MYOZ3: variants seen among roughly 807,000 people sequenced by gnomAD.
The protein encoded by MYOZ3 is myozenin 3, also known as myozenin-3.
Under a neutral mutation model 26.5 loss-of-function variants are expected in MYOZ3, and 19 were observed. The ratio of observed to expected loss-of-function variants is 0.72; its 90% confidence interval spans 0.50 to 1.05. The LOEUF is 1.05. MYOZ3 is among the 50% of genes least tolerant of loss of function. The probability of loss-of-function intolerance (pLI) is 0.00; values close to 1 mark genes in which losing one functional copy is unlikely to be tolerated. For synonymous variants in MYOZ3, 135 were observed against 138.8 expected (o/e 0.97, Z 0.19); for missense variants, 322 against 337.1 (o/e 0.96, Z 0.35).
intron 6 of MYOZ3, among the ~76,000 whole-genome samples, chr5:150,676,451 G>A (rs868383062): frequency 1.2e-4 from 18 of 150,848 alleles, no homozygotes; most frequent in African/African-American, 4.2e-4. Context: ...GGCTGAGGCA[G>A]GAGAATTGAT....
chr5:150,662,887 T>C, intron 1 of MYOZ3, 54 bp from the exon 2 acceptor site: 12 of 1,508,084 alleles, frequency 8.0e-6, no homozygotes, highest in Non-Finnish European at 1.0e-5. Context: ...TGGAAGGAGG[T>C]CTGGGGAGAA....
chr5:150,669,459 T>G (rs1260144275), intron 2 of MYOZ3, among the ~76,000 whole-genome samples: 1 of 151,770 alleles, frequency 6.6e-6, no homozygotes, highest in Non-Finnish European at 1.5e-5. Flanking sequence ...ACAAAACATG[T>G]ATGCTATAAT....
intron 2 of MYOZ3, among the ~76,000 whole-genome samples, chr5:150,667,054 C>T (rs144794744): frequency 5.5e-4 from 83 of 152,198 alleles, no homozygotes; most frequent in Middle Eastern, 3.4e-3. Flanking sequence ...CCACTGCGCC[C>T]GGCCTATAAG....
At position 150,671,883 on chromosome 5, in the gene MYOZ3, C is replaced by A. The variant is rs1758921178; in HGVS notation, c.399C>A (p.Val133=). The change falls in exon 5 of 7, where the codon GTC becomes GTA. Residue 133 remains valine (V), a synonymous_variant. Transcript: ENST00000517768. ...CTGCAGCCGCCCCTGCTGGGTGCGT[C>A]CCCAGCCCCAGCGCCCTGGCGCCAG... The part of the protein sequence containing the change: ...AHPAAAPAGC[V]PSPSALAPGY... 6.4e-7 allele frequency: 1 copy of A among 1,569,200 alleles called. No individual in the cohort carries two copies. The highest frequency in any genetic ancestry group is 1.4e-5 in the African/African-American group (1 of 73,762).
rs1281312412 is a variant in MYOZ3 at position 150,671,649 on chromosome 5, C to G, written c.269C>G (p.Thr90Arg). The change falls in exon 4 of 7, where the codon ACG becomes AGG. Residue 90 changes from threonine (T) to arginine (R), a missense_variant and splice_region_variant. Coordinates refer to ENST00000517768, the MANE Select transcript of MYOZ3 (RefSeq NM_001122853.3). ...RKVTGTAESG[T>R]VANANGPEGP... is the part of the protein sequence containing the mutation. The stretch of plus-strand genomic sequence containing the variant: ...GTGACTGGAACAGCGGAGTCGGGGA[C>G]GGTGAGCGTGGAGGGGAGCTCCCTG... 1 of 1,613,532 alleles carries G rather than the reference C, an allele frequency of 6.2e-7. No homozygotes were observed. Among genetic ancestry groups the G allele is most frequent in the African/African-American group, 1.3e-5 (1 of 74,840 alleles).
intron 5 of MYOZ3, 108 bp from the exon 6 acceptor site, chr5:150,672,232 T>G (rs1269999721): frequency 2.0e-6 from 3 of 1,496,266 alleles, no homozygotes; most frequent in South Asian, 2.4e-5. Flanking sequence ...CTCCCCTAAC[T>G]CCGATCTTCC....
At chr5:150,668,176 T>C (rs1179588168) in intron 2 of MYOZ3, among the ~76,000 whole-genome samples, 1 of 152,238 alleles carries the variant, frequency 6.6e-6, no homozygotes, top group Non-Finnish European at 1.5e-5. Flanking sequence ...ATTTGGCTTA[T>C]CGCTTCCTCA....
In MYOZ3 at chr5:150,671,660, G is replaced by C. The variant is rs1283298781; in HGVS notation, c.270+10G>C. The C allele has an allele frequency of 2.5e-6, 4 of 1,613,908 alleles. No individual in the cohort carries two copies. Among genetic ancestry groups the C allele is most frequent in the Non-Finnish European group, 3.4e-6 (4 of 1,179,996 alleles). On this transcript the variant is annotated intron_variant, in intron 4 of 6. Transcript: ENST00000517768. ...AGCGGAGTCGGGGACGGTGAGCGTG[G>C]AGGGGAGCTCCCTGGAAGGGAAGCT...
intron 5 of MYOZ3, 194 bp from the exon 6 acceptor site, chr5:150,672,146 C>CA: frequency 9.7e-7 from 1 of 1,035,006 alleles, no homozygotes; most frequent in Non-Finnish European, 1.5e-6. Flanking sequence ...TTCCTCACTG[C>CA]AGTCCTCCGT....
Position 150,677,867 on chromosome 5 carries a change from C to G in MYOZ3, c.*992C>G, listed in dbSNP as rs189743047. ...TGTGAGATGGGATTCTGGAAGCTTC[C>G]TGAAGGATTTGAGTGGGACCTTGTG... is the stretch of plus-strand genomic sequence containing the variant. On this transcript the variant is annotated 3_prime_UTR_variant, in exon 7 of 7. Coordinates refer to ENST00000517768, the MANE Select transcript of MYOZ3 (RefSeq NM_001122853.3). The G allele has an allele frequency of 6.6e-6, 1 of 152,070 alleles. No individual in the cohort carries two copies. The highest frequency in any genetic ancestry group is 1.9e-4 in the East Asian group (1 of 5,176). The allele number at this position is 152,070 out of a possible 1,614,324, so 9.4% of individuals were successfully genotyped here. A position where few individuals can be genotyped will look rare whatever the true frequency, so the allele number is the denominator to read the frequency against.
At chr5:150,663,801 C>A (rs992709704) in intron 2 of MYOZ3, among the ~76,000 whole-genome samples, 1 of 151,446 alleles carries the variant, frequency 6.6e-6, no homozygotes, top group Admixed American at 6.6e-5. Flanking sequence ...TTGAGACCAG[C>A]CGGGGCAACA....
In MYOZ3 at chr5:150,676,973, C is replaced by T. The variant is rs1581538794; in HGVS notation, c.*98C>T. On this transcript the variant is annotated 3_prime_UTR_variant, in exon 7 of 7. Transcript: ENST00000517768. ...CTTCACAGTTGAAGAAGGGCCTTCA[C>T]ACACAAAACCTGATTGCAAATGGCT... 1.6e-6 allele frequency: 2 copies of T among 1,243,066 alleles called. No homozygotes were observed. Among genetic ancestry groups the T allele is most frequent in the African/African-American group, 3.0e-5 (2 of 66,206 alleles). 77.0% of individuals were successfully genotyped at this position (1,243,066 alleles called of 1,614,324 possible).
At chr5:150,672,096 C>T in intron 5 of MYOZ3, 188 bp downstream of exon 5, 1 of 1,101,938 alleles carries the variant, frequency 9.1e-7, no homozygotes, top group Non-Finnish European at 1.3e-6. Flanking sequence ...CACAGCGAGT[C>T]AGCCAAGGCC....
Position 150,670,653 on chromosome 5 carries a change from A to G in MYOZ3, c.216+15A>G, listed in dbSNP as rs1758891703. 1 of 1,596,918 alleles carries G rather than the reference A, an allele frequency of 6.3e-7. No homozygotes were observed. Among genetic ancestry groups the G allele is most frequent in the East Asian group, 2.2e-5 (1 of 44,468 alleles). On this transcript the variant is annotated intron_variant, in intron 3 of 6. Coordinates refer to ENST00000517768, the MANE Select transcript of MYOZ3 (RefSeq NM_001122853.3). ...GCCAGCGGGCGGTGAGTAAGCCACC[A>G]TTGTGCTCATGGGGAAAATGAGGAC...
chr5:150,666,540 G>A (rs1276764416), intron 2 of MYOZ3, among the ~76,000 whole-genome samples: 1 of 149,690 alleles, frequency 6.7e-6, no homozygotes, highest in African/African-American at 2.5e-5. Context: ...CTAGAACCCA[G>A]GAGGCAGAGG....
intron 6 of MYOZ3, among the ~76,000 whole-genome samples, chr5:150,673,620 A>G (rs1021210769): frequency 2.0e-5 from 3 of 152,152 alleles, no homozygotes; most frequent in Non-Finnish European, 4.4e-5. Flanking sequence ...GATTACAGGC[A>G]TGAGCCACCG....
rs1395673552 is a variant in MYOZ3, at chr5:150,678,117, G to A, written c.*1242G>A. 6.6e-6 allele frequency: 1 copy of A among 152,624 alleles called. No individual in the cohort carries two copies. Among genetic ancestry groups the A allele is most frequent in the African/African-American group, 2.4e-5 (1 of 41,430 alleles). The allele number at this position is 152,624 out of a possible 1,614,324, so 9.5% of individuals were successfully genotyped here. ...CTGGGTGCTGTGTGGGGCGCATATT[G>A]GAGAAGGGTAATGCCAGAAGCCAGG... is the stretch of plus-strand genomic sequence containing the variant. On this transcript the variant is annotated 3_prime_UTR_variant, in exon 7 of 7. Coordinates refer to ENST00000517768, the MANE Select transcript of MYOZ3 (RefSeq NM_001122853.3).
chr5:150,672,311 G>C (rs748232287), intron 5 of MYOZ3, 29 bp from the exon 6 acceptor site: 66 of 1,569,232 alleles, frequency 4.2e-5, no homozygotes, highest in Non-Finnish European at 5.5e-5. Context: ...TGGAAGAACG[G>C]AGGCGCTCCC....
rs1024312547 is a variant in MYOZ3, at chr5:150,677,020, C to T, written c.*145C>T. On this transcript the variant is annotated 3_prime_UTR_variant, in exon 7 of 7. Transcript: ENST00000517768. ...GGCTTCAGAGGTCACCAAGTTCAGT[C>T]GTCCCAAAACATGGGTGTGTTTCAA... is the stretch of plus-strand genomic sequence containing the variant. 8 of 733,874 alleles carry T rather than the reference C, an allele frequency of 1.1e-5. No individual in the cohort carries two copies. Among genetic ancestry groups the T allele is most frequent in the African/African-American group, 3.5e-5 (2 of 56,546 alleles). The allele number at this position is 733,874 out of a possible 1,614,324, so 45.5% of individuals were successfully genotyped here. A position where few individuals can be genotyped will look rare whatever the true frequency, so the allele number is the denominator to read the frequency against.
Sources: allele counts gnomAD v4.1 joint callset (sites outside exome capture counted in the v4.1 genomes callset), GRCh38; gene constraint gnomAD v4.1.1; transcripts MANE v1.5; gene names NCBI Gene and HGNC (gene_info 2026-07-23, HGNC 2026-07-21).